AUTS2: variants seen among roughly 807,000 people sequenced by gnomAD.
AUTS2 encodes the protein activator of transcription and developmental regulator AUTS2, also known as autism susceptibility gene 2 protein.
AUTS2 carries 17 observed loss-of-function variants against 112.4 expected under a neutral mutation model. The observed-to-expected ratio is 0.15, with a 90% CI of 0.10 to 0.23. The LOEUF (loss-of-function observed/expected upper bound fraction) is 0.23, where lower values mean the gene tolerates loss of function less well. Ranked by LOEUF, AUTS2 falls within the 10% of genes least tolerant of loss-of-function variation. The pLI is 1.00. For synonymous variants in AUTS2, 751 were observed against 702.7 expected, an observed-to-expected ratio of 1.07 and a Z score of -1.09; for missense variants, 1,510 against 1,701.6, an observed-to-expected ratio of 0.89 and a Z score of 1.98.
intron 4 of AUTS2, among the ~76,000 whole-genome samples, chr7:70,142,730 G>A (rs1199829635): frequency 6.6e-6 from 1 of 152,162 alleles, no homozygotes; most frequent in African/African-American, 2.4e-5. Flanking sequence ...TGCATTGACA[G>A]TCCCAGAGGG....
At chr7:70,776,310 A>G (rs1357627937) in intron 13 of AUTS2, among the ~76,000 whole-genome samples, 1 of 152,184 alleles carries the variant, frequency 6.6e-6, no homozygotes, top group Admixed American at 6.5e-5. Flanking sequence ...AAATGAAGTG[A>G]AAAGGTGGTC....
intron 5 of AUTS2, among the ~76,000 whole-genome samples, chr7:70,453,256 G>A (rs1796603289): frequency 6.6e-6 from 1 of 152,218 alleles, no homozygotes; most frequent in African/African-American, 2.4e-5. Context: ...TTTAATGATA[G>A]CGTTGCTGTC....
chr7:70,252,173 T>G (rs140021587), intron 4 of AUTS2, among the ~76,000 whole-genome samples: 10 of 152,212 alleles, frequency 6.6e-5, no homozygotes, highest in African/African-American at 2.4e-4. Context: ...GATGATAATG[T>G]AATTCTATTT....
At chr7:70,291,402 A>G (rs1273185520) in intron 4 of AUTS2, 1 of 152,248 alleles carries the variant, frequency 6.6e-6, no homozygotes, top group Non-Finnish European at 1.5e-5. Context: ...TAAATCACCC[A>G]TCTCACGAAG....
chr7:69,911,245 C>T (rs945232299), intron 2 of AUTS2, among the ~76,000 whole-genome samples: 1 of 152,162 alleles, frequency 6.6e-6, no homozygotes, highest in East Asian at 1.9e-4. Context: ...ATGTGGCTTC[C>T]ACTGTGGGCA....
At chr7:70,734,396 C>T (rs981378451) in intron 6 of AUTS2, among the ~76,000 whole-genome samples, 1 of 151,490 alleles carries the variant, frequency 6.6e-6, no homozygotes, top group Non-Finnish European at 1.5e-5. Context: ...GCCAAGATCG[C>T]GCCACTGCAC....
chr7:69,998,624 G>A (rs1024352429), intron 2 of AUTS2, among the ~76,000 whole-genome samples: 2 of 152,192 alleles, frequency 1.3e-5, no homozygotes, highest in African/African-American at 2.4e-5. Context: ...CATATGTCAT[G>A]CATTGTTGTA....
At chr7:70,353,013 G>A (rs1476493385) in intron 4 of AUTS2, among the ~76,000 whole-genome samples, 1 of 152,172 alleles carries the variant, frequency 6.6e-6, no homozygotes, top group Admixed American at 6.5e-5. Flanking sequence ...GGAATTCAGT[G>A]ACACTCATTA....
intron 1 of AUTS2, among the ~76,000 whole-genome samples, chr7:69,781,421 A>C (rs1466192027): frequency 3.3e-5 from 5 of 152,238 alleles, no homozygotes; most frequent in Non-Finnish European, 7.3e-5. Flanking sequence ...CTGGACTGCT[A>C]TGTGTGGGCT....
chr7:69,935,287 C>A (rs1210097515), intron 2 of AUTS2, among the ~76,000 whole-genome samples: 4 of 151,898 alleles, frequency 2.6e-5, no homozygotes, highest in African/African-American at 9.7e-5. Flanking sequence ...TTGCCAGGGT[C>A]CAAGGTGAAA....
intron 1 of AUTS2, among the ~76,000 whole-genome samples, chr7:69,821,083 G>A (rs960881535): frequency 6.6e-6 from 1 of 152,132 alleles, no homozygotes. Flanking sequence ...AAAATTAGGG[G>A]TAACTGTAAA....
intron 1 of AUTS2, among the ~76,000 whole-genome samples, chr7:69,638,282 C>T (rs1794641440): frequency 6.6e-6 from 1 of 152,174 alleles, no homozygotes; most frequent in Non-Finnish European, 1.5e-5. Context: ...CTCCCAAGTG[C>T]TGGGACTACA....
chr7:70,668,007 CTTTT>C (rs905866764), intron 5 of AUTS2, among the ~76,000 whole-genome samples: 6 of 152,206 alleles, frequency 3.9e-5, no homozygotes, highest in African/African-American at 1.2e-4. Context: ...TTCTGCATTT[CTTTT>C]TTCACCTAGG....
At chr7:69,982,675 C>G (rs528925439) in intron 2 of AUTS2, among the ~76,000 whole-genome samples, 2 of 152,190 alleles carry the variant, frequency 1.3e-5, no homozygotes, top group South Asian at 4.1e-4. Context: ...ATGCCAGTGA[C>G]AAAGCATTGG....
At chr7:70,590,685 T>C (rs1802901433) in intron 5 of AUTS2, among the ~76,000 whole-genome samples, 1 of 152,168 alleles carries the variant, frequency 6.6e-6, no homozygotes, top group East Asian at 1.9e-4. Flanking sequence ...ATGAACGTAT[T>C]ATCTCCTTGA....
In AUTS2 at chr7:70,793,225, G is replaced by A. The variant is rs934331339; in HGVS notation, c.*2229G>A. The A allele has an allele frequency of 4.6e-5, 7 of 152,212 alleles. No individual in the cohort carries two copies. Among genetic ancestry groups the A allele is most frequent in the Admixed American group, 2.6e-4 (4 of 15,280 alleles). 9.4% of individuals were successfully genotyped at this position (152,212 alleles called of 1,614,324 possible). On this transcript the variant is annotated 3_prime_UTR_variant, in exon 19 of 19. Coordinates refer to ENST00000342771, the MANE Select transcript of AUTS2 (RefSeq NM_015570.4). Reference sequence around the variant, plus strand: ...GTGCCTGGCTACTTCAAAACTCAGCGAAAGTGTTTGCTTTTCCAGCAGTGA... The same window carrying A: ...GTGCCTGGCTACTTCAAAACTCAGCAAAAGTGTTTGCTTTTCCAGCAGTGA...
intron 2 of AUTS2, among the ~76,000 whole-genome samples, chr7:70,029,126 C>G (rs1800656933): frequency 2.0e-5 from 3 of 152,148 alleles, no homozygotes; most frequent in Non-Finnish European, 2.9e-5. Context: ...TTTTATCTTT[C>G]TGTGCCTCAT....
At chr7:69,733,421 A>G (rs905588926) in intron 1 of AUTS2, among the ~76,000 whole-genome samples, 13 of 152,154 alleles carry the variant, frequency 8.5e-5, no homozygotes, top group Non-Finnish European at 5.9e-5. Context: ...GTGATGACCA[A>G]TTGTCAATAT....
intron 2 of AUTS2, among the ~76,000 whole-genome samples, chr7:69,900,112 T>C (rs1305124937): frequency 6.6e-6 from 1 of 152,204 alleles, no homozygotes; most frequent in Non-Finnish European, 1.5e-5. Context: ...TAGGTTTCAA[T>C]GATCCACAAG....
Sources: gnomAD v4.1 joint callset for allele counts (sites outside exome capture counted in the v4.1 genomes callset) on GRCh38, gnomAD v4.1.1 for gene constraint, MANE v1.5 for transcripts, NCBI Gene and HGNC (gene_info 2026-07-23, HGNC 2026-07-21) for gene names.